Variants in NRK observed in about 807,000 individuals in gnomAD.
NRK encodes nik-related protein kinase.
NRK carries 67 observed loss-of-function variants against 125.2 expected under a neutral mutation model. That is an observed-to-expected ratio of 0.54 (90% CI 0.44 to 0.66). The LOEUF is 0.66. NRK is among the 30% of genes least tolerant of loss of function. The pLI, the probability that NRK is intolerant of heterozygous loss-of-function variation, is 0.00. For missense variants in NRK, 1,224 were observed against 1,192.9 expected (o/e 1.03, Z -0.38); for synonymous variants, 458 against 429.0 (o/e 1.07, Z -0.84).
chrX:105,909,949 G>GT (rs1390104562), intron 13 of NRK, 67 bp downstream of exon 13: 1 of 927,323 alleles, frequency 1.1e-6, no homozygotes, highest in Non-Finnish European at 1.4e-6. Context: ...TCATGCGGAT[G>GT]TTTTTTCTCA....
chrX:105,905,348 A>G lies in NRK; in HGVS notation c.845+5A>G. On this transcript the variant is annotated splice_donor_5th_base_variant and intron_variant, in intron 10 of 28. Transcript: ENST00000243300. ...CACAGTCAAATCCAGCGGATGGTAA[A>G]GATGAATGTCTTAATCTCCTAATTA... The G allele has an allele frequency of 2.6e-6, 3 of 1,149,134 alleles. No homozygotes were observed. Among genetic ancestry groups the G allele is most frequent in the Non-Finnish European group, 3.6e-6 (3 of 840,318 alleles). 94.7% of individuals were successfully genotyped at this position (1,149,134 alleles called of 1,213,427 possible). A position where few individuals can be genotyped will look rare whatever the true frequency, so the allele number is the denominator to read the frequency against.
intron 9 of NRK, among the ~76,000 whole-genome samples, chrX:105,904,218 C>A (rs1287820497): frequency 9.0e-6 from 1 of 111,727 alleles, no homozygotes; most frequent in Non-Finnish European, 1.9e-5. Context: ...CTGTGGTTCT[C>A]CATTGGGGAT....
chrX:105,889,967 T>C (rs1283495764), intron 5 of NRK, among the ~76,000 whole-genome samples: 2 of 112,437 alleles, frequency 1.8e-5, no homozygotes, highest in Non-Finnish European at 3.8e-5. Flanking sequence ...TTGTTACTTT[T>C]GCAAATTTCT....
At chrX:105,902,531 C>CTCTTCCTTTGG (rs1399009786) in intron 9 of NRK, among the ~76,000 whole-genome samples, 5 of 112,299 alleles carry the variant, frequency 4.5e-5, no homozygotes, top group African/African-American at 1.6e-4. Context: ...TAACAAAATT[C>CTCTTCCTTTGG]TCTTCCTTTG....
chrX:105,823,050 T>G (rs2039043998), intron 1 of NRK, 148 bp downstream of exon 1: 2 of 559,003 alleles, frequency 3.6e-6, no homozygotes, highest in Admixed American at 8.2e-5. Context: ...GGAGCCGGCA[T>G]GCGGAAAAGG....
intron 13 of NRK, among the ~76,000 whole-genome samples, chrX:105,912,285 G>A (rs1478534552): frequency 9.0e-6 from 1 of 111,015 alleles, no homozygotes; most frequent in African/African-American, 3.3e-5. Flanking sequence ...GTGACAGTTA[G>A]TTTGGTGTTA....
chrX:105,939,088 G>A (rs1358992012), intron 22 of NRK, among the ~76,000 whole-genome samples: 1 of 111,634 alleles, frequency 9.0e-6, no homozygotes, highest in Non-Finnish European at 1.9e-5. Flanking sequence ...ATTAAAATTC[G>A]AGACCATATC....
intron 21 of NRK, 108 bp downstream of exon 21, chrX:105,935,433 A>C: frequency 2.0e-6 from 1 of 510,383 alleles, no homozygotes; most frequent in Non-Finnish European, 3.1e-6. Flanking sequence ...CAATAAAAAT[A>C]TATTTATAGT....
chrX:105,826,129 G>A (rs1193884782), intron 1 of NRK, among the ~76,000 whole-genome samples: 1 of 86,020 alleles, frequency 1.2e-5, no homozygotes, highest in Admixed American at 1.5e-4. Flanking sequence ...ATATATATAT[G>A]GTAAGATATA....
chrX:105,828,934 TCTTAA>T (rs1237840564), intron 1 of NRK, among the ~76,000 whole-genome samples: 1 of 112,208 alleles, frequency 8.9e-6, no homozygotes, highest in East Asian at 2.8e-4. Context: ...TGTATTGTGA[TCTTAA>T]CTTTGATGAT....
intron 2 of NRK, among the ~76,000 whole-genome samples, chrX:105,846,394 C>T (rs918832068): frequency 1.3e-4 from 15 of 111,375 alleles, no homozygotes; most frequent in Admixed American, 7.6e-4. Context: ...GGCAGACTGC[C>T]GGCAGAACTG....
Position 105,937,429 on chromosome X carries a change from A to T in NRK, c.3656-10A>T, listed in dbSNP as rs761763732. 2.8e-5 allele frequency: 32 copies of T among 1,147,726 alleles called. No individual in the cohort carries two copies. The East Asian group carries it at 9.4e-4, about 34-fold the overall frequency. The allele number at this position is 1,147,726 out of a possible 1,213,427, so 94.6% of individuals were successfully genotyped here. On this transcript the variant is annotated splice_polypyrimidine_tract_variant and intron_variant, in intron 21 of 28. Transcript: ENST00000243300. ...TCTGAGCTAATATAGCACTTTTTAT[A>T]TATGAACAGGAGTCAATTTGCTGTT...
chrX:105,934,456 C>T lies in NRK; in HGVS notation c.3499+12C>T, dbSNP rs369508562. On this transcript the variant is annotated intron_variant, in intron 20 of 28. Coordinates refer to ENST00000243300, the MANE Select transcript of NRK (RefSeq NM_198465.4). ...TGCCAGTGCCATCTGTGAGTGTGTT[C>T]AATGTAATCTCTAAATGCTACTATC... is the stretch of plus-strand genomic sequence containing the variant. 6.4e-6 allele frequency: 7 copies of T among 1,096,052 alleles called. No individual in the cohort carries two copies. The highest frequency in any genetic ancestry group is 8.7e-6 in the Non-Finnish European group (7 of 800,754). The allele number at this position is 1,096,052 out of a possible 1,213,427, so 90.3% of individuals were successfully genotyped here.
At position 105,946,347 on chromosome X, in the gene NRK, A is replaced by T. The variant is rs1166651702; in HGVS notation, c.4236A>T (p.Thr1412=). The change falls in exon 26 of 29, where the codon ACA becomes ACT. Residue 1412 remains threonine, a synonymous_variant. Transcript: ENST00000243300. ...VFPTLDHKPV[T]VDLAIGSEKR... Reference sequence around the variant, plus strand: ...CAACACTTGATCATAAGCCAGTGACAGTTGACCTGGCTATTGGTTCTGAAA... The same window carrying T: ...CAACACTTGATCATAAGCCAGTGACTGTTGACCTGGCTATTGGTTCTGAAA... The T allele has an allele frequency of 2.5e-6, 3 of 1,203,034 alleles. No homozygotes were observed. The African/African-American group carries it at 5.3e-5, about 21-fold the overall frequency.
rs1201113452 is a variant in NRK at position 105,898,601 on chromosome X, G to A, written c.598G>A (p.Ala200Thr). The change falls in exon 8 of 29, where the codon GCC becomes ACC. Residue 200 changes from alanine (A) to threonine (T), a missense_variant. Transcript: ENST00000243300. ...EVKLVDFGVS[A>T]QVSRTNGRRN... Reference sequence around the variant, plus strand: ...TTTGGCAGTTGATTTTGGAGTGAGTGCCCAGGTGAGCAGAACTAATGGAAG... The same window carrying A: ...TTTGGCAGTTGATTTTGGAGTGAGTACCCAGGTGAGCAGAACTAATGGAAG... 3.3e-6 allele frequency: 4 copies of A among 1,196,428 alleles called. No individual in the cohort carries two copies. Among genetic ancestry groups the A allele is most frequent in the Non-Finnish European group, 2.3e-6 (2 of 886,789 alleles).
intron 2 of NRK, among the ~76,000 whole-genome samples, chrX:105,838,161 C>T (rs1238106585): frequency 8.9e-6 from 1 of 111,833 alleles, no homozygotes; most frequent in African/African-American, 3.2e-5. Context: ...CCTATTGTCG[C>T]TTCTCCACCT....
rs1569313098 is a variant in NRK at position 105,923,135 on chromosome X, A to C, written c.2628A>C (p.Lys876Asn). 8.3e-7 allele frequency: 1 copy of C among 1,201,854 alleles called. No individual in the cohort carries two copies. Among genetic ancestry groups the C allele is most frequent in the Middle Eastern group, 2.3e-4 (1 of 4,304 alleles). Residue 876 changes from lysine (K) to asparagine (N), a missense_variant, in exon 18 of 29, where the codon AAA becomes AAC. Coordinates refer to ENST00000243300, the MANE Select transcript of NRK (RefSeq NM_198465.4). Reference protein sequence around the residue: ...LVDIHVPDGFKVGKISPPVYL... With the variant: ...LVDIHVPDGFNVGKISPPVYL... ...GCACACAGGTTCCAGATGGATTTAAAGTAGGAAAAATATCACCCCCTGTAT... is the reference window on the plus strand; with the variant it reads ...GCACACAGGTTCCAGATGGATTTAACGTAGGAAAAATATCACCCCCTGTAT...
intron 11 of NRK, among the ~76,000 whole-genome samples, chrX:105,906,940 G>A (rs1469499741): frequency 2.7e-5 from 3 of 110,130 alleles, no homozygotes; most frequent in African/African-American, 6.6e-5. Context: ...AAGATAAAAG[G>A]TAACAAAATG....
intron 15 of NRK, among the ~76,000 whole-genome samples, chrX:105,916,752 GT>G (rs1466134451): frequency 1.8e-5 from 2 of 111,660 alleles, no homozygotes; most frequent in Non-Finnish European, 3.8e-5. Context: ...TGAGTAGTTG[GT>G]TTTGGTATCA....
Sources: gnomAD v4.1 joint callset for allele counts (sites outside exome capture counted in the v4.1 genomes callset) on GRCh38, gnomAD v4.1.1 for gene constraint, MANE v1.5 for transcripts, NCBI Gene and HGNC (gene_info 2026-07-23, HGNC 2026-07-21) for gene names.